The following ZNF800 variants were observed in gnomAD, a reference collection of about 807,000 sequenced individuals.
The protein encoded by ZNF800 is zinc finger protein 800.
A neutral mutation model predicts 59.5 loss-of-function variants in ZNF800; 13 were observed. The ratio of observed to expected loss-of-function variants is 0.22; its 90% CI spans 0.14 to 0.35. ZNF800 has a LOEUF of 0.35. ZNF800 is among the 10% of genes least tolerant of loss of function. The pLI, the probability that ZNF800 is intolerant of heterozygous loss-of-function variation, is 1.00. For synonymous variants in ZNF800, 266 were observed against 265.7 expected (o/e 1.00, Z -0.01); for missense variants, 621 against 783.7 (o/e 0.79, Z 2.48).
intron 1 of ZNF800, among the ~76,000 whole-genome samples, chr7:127,349,148 A>T (rs973113423): frequency 5.9e-5 from 9 of 152,218 alleles, no homozygotes; most frequent in Admixed American, 3.3e-4. Flanking sequence ...CTAAAAACAG[A>T]AAAATGTGGG....
At chr7:127,366,166 C>A (rs4731352), downstream of ZNF800, among the ~76,000 whole-genome samples, 95,169 of 151,904 alleles carry the variant, frequency 0.63, 30,232 homozygotes, top group East Asian at 0.86. Flanking sequence ...AAAATCCGTG[C>A]TTTAACCACT....
chr7:127,383,175 A>G (rs1301564938), intron 3 of ZNF800, among the ~76,000 whole-genome samples: 1 of 152,236 alleles, frequency 6.6e-6, no homozygotes, highest in African/African-American at 2.4e-5. Context: ...CAACTCCTTC[A>G]TAAGACAGAA....
intron 5 of ZNF800, chr7:127,372,674 T>C: frequency 1.0e-6 from 1 of 984,864 alleles, no homozygotes; most frequent in Non-Finnish European, 1.2e-6. Context: ...AGATCAAAAC[T>C]AAAAAACAGT....
Position 127,373,716 on chromosome 7 carries a change from C to T in ZNF800, c.1620G>A (p.Val540=), listed in dbSNP as rs567879157. The change falls in exon 5 of 6, where the codon GTG becomes GTA. Residue 540 remains valine, a synonymous_variant. Coordinates refer to ENST00000265827, the MANE Select transcript of ZNF800 (RefSeq NM_176814.5). ...RKRDVIRHIT[V]VHKKSSRYLG... ...GATAACGAGATGACTTTTTATGAAC[C>T]ACAGTTATATGTCGTATCACATCAC... 26 of 1,614,024 alleles carry T rather than the reference C, an allele frequency of 1.6e-5. No individual in the cohort carries two copies. The highest frequency in any genetic ancestry group is 6.7e-5 in the African/African-American group (5 of 74,990).
chr7:127,367,288 C>T (rs1163992109), downstream of ZNF800, among the ~76,000 whole-genome samples: 1 of 152,010 alleles, frequency 6.6e-6, no homozygotes, highest in African/African-American at 2.4e-5. Flanking sequence ...TAGAAGCTAC[C>T]AAGTAAAATT....
chr7:127,373,461 C>T lies in ZNF800; in HGVS notation c.1875G>A (p.Lys625=). Residue 625 remains lysine (K), a synonymous_variant, in exon 5 of 6, where the codon AAG becomes AAA. Coordinates refer to ENST00000265827, the MANE Select transcript of ZNF800 (RefSeq NM_176814.5). ...CAAGGTAAGTCTTTTTGGCAAATGC[C>T]TTTCCACATTTATTGCATCTGTGAA... ...FSLHRCNKCG[K]AFAKKTYLEH... is the part of the protein sequence containing the mutation. The T allele has an allele frequency of 6.2e-7, 1 of 1,614,024 alleles. No individual in the cohort carries two copies. The highest frequency in any genetic ancestry group is 2.2e-5 in the East Asian group (1 of 44,870).
At chr7:127,346,351 T>G (rs1264381837), downstream of ZNF800, among the ~76,000 whole-genome samples, 2 of 152,118 alleles carry the variant, frequency 1.3e-5, no homozygotes, top group African/African-American at 4.8e-5. Flanking sequence ...GGATTGGAAG[T>G]AAAAATGAAT....
In ZNF800 at chr7:127,374,086, T is replaced by C. The variant is rs766351981; in HGVS notation, c.1250A>G (p.Glu417Gly). ...ATGGGTAATGGAAGGGGGTGAAGAT[T>C]CTACAGAATCTGCTGGTTCAACTTT... ...KVKVEPADSV[E>G]SSPPSITHSP... is the part of the protein sequence containing the mutation. Residue 417 changes from glutamate to glycine, a missense_variant, in exon 5 of 6, where the codon GAA (glutamate) becomes GGA (glycine). Transcript: ENST00000265827. 3.1e-6 allele frequency: 5 copies of C among 1,614,154 alleles called. No homozygotes were observed.
At chr7:127,376,985 A>G (rs1051322963) in intron 4 of ZNF800, among the ~76,000 whole-genome samples, 5 of 152,032 alleles carry the variant, frequency 3.3e-5, no homozygotes, top group South Asian at 2.1e-4. Flanking sequence ...GAAAGCATTG[A>G]TATGAAAGTA....
chr7:127,384,879 CA>C (rs983645971), intron 3 of ZNF800, among the ~76,000 whole-genome samples: 1 of 152,024 alleles, frequency 6.6e-6, no homozygotes, highest in Non-Finnish European at 1.5e-5. Flanking sequence ...AATCAAACAA[CA>C]AAAAATCCCT....
At chr7:127,382,494 A>G (rs1195326776) in intron 3 of ZNF800, among the ~76,000 whole-genome samples, 1 of 152,204 alleles carries the variant, frequency 6.6e-6, no homozygotes, top group Non-Finnish European at 1.5e-5. Context: ...TGAAGACACC[A>G]TATTAGAAAC....
intron 2 of ZNF800, among the ~76,000 whole-genome samples, chr7:127,387,964 T>C (rs1801190375): frequency 1.3e-5 from 2 of 151,338 alleles, no homozygotes; most frequent in South Asian, 4.2e-4. Flanking sequence ...ATTTTGAGAA[T>C]ATCTGACATT....
rs1177006490 is a variant in ZNF800 at position 127,374,643 on chromosome 7, T to C, written c.693A>G (p.Ile231Met). 1.2e-6 allele frequency: 2 copies of C among 1,614,030 alleles called. No homozygotes were observed. The highest frequency in any genetic ancestry group is 1.7e-5 in the Admixed American group (1 of 60,008). Reference sequence around the variant, plus strand: ...TGAATTCTTTTCTACAAAGACAACATATCAACTGGTGACCAAAATCAGAAT... The same window carrying C: ...TGAATTCTTTTCTACAAAGACAACACATCAACTGGTGACCAAAATCAGAAT... ...SDNSDFGHQLICCLCRKEFNS... is the reference protein window; with the variant it reads ...SDNSDFGHQLMCCLCRKEFNS... The change falls in exon 5 of 6, where the codon ATA (isoleucine) becomes ATG (methionine). Residue 231 changes from isoleucine (I) to methionine (M), a missense_variant. Transcript: ENST00000265827.
At position 127,391,490 on chromosome 7, in the gene ZNF800, G is replaced by GGTCT; in HGVS notation, c.61+3_61+6dup. On this transcript the variant is annotated splice_region_variant and intron_variant, in intron 2 of 5. Transcript: ENST00000265827. ...GGCAAAGCAACTGCGGACGAAGAGGGGTCTACCTGGTTCACAGCATCCGTG... is the reference window on the plus strand; with the variant it reads ...GGCAAAGCAACTGCGGACGAAGAGGGGTCTGTCTACCTGGTTCACAGCATCCGTG... 6.2e-7 allele frequency: 1 copy of GGTCT among 1,613,974 alleles called. No homozygotes were observed. The highest frequency in any genetic ancestry group is 8.5e-7 in the Non-Finnish European group (1 of 1,179,932).
chr7:127,367,424 T>G (rs1362151615), downstream of ZNF800, among the ~76,000 whole-genome samples: 1 of 152,164 alleles, frequency 6.6e-6, no homozygotes, highest in Non-Finnish European at 1.5e-5. Context: ...AGTAAATCAC[T>G]GAACTTCTCT....
intron 3 of ZNF800, among the ~76,000 whole-genome samples, chr7:127,383,408 A>G (rs1394661538): frequency 6.6e-6 from 1 of 152,254 alleles, no homozygotes; most frequent in South Asian, 2.1e-4. Flanking sequence ...CTATCTTCAA[A>G]TATCTGTCAA....
downstream of ZNF800, among the ~76,000 whole-genome samples, chr7:127,343,080 C>G (rs1799995906): frequency 6.6e-6 from 1 of 151,874 alleles, no homozygotes; most frequent in Admixed American, 6.6e-5. Flanking sequence ...GAGATGCAGT[C>G]AAAGCTGTGC....
At chr7:127,346,171 T>C (rs1800060585), downstream of ZNF800, among the ~76,000 whole-genome samples, 1 of 152,134 alleles carries the variant, frequency 6.6e-6, no homozygotes, top group South Asian at 2.1e-4. Context: ...GGTGACAAGA[T>C]GAGAAAGTCT....
At chr7:127,360,101 A>G (rs1348714492) in intron 1 of ZNF800, 1 of 152,036 alleles carries the variant, frequency 6.6e-6, no homozygotes, top group Admixed American at 6.6e-5. Context: ...CCACATGATC[A>G]TATATATGTT....
Sources: gnomAD v4.1 joint callset for allele counts (sites outside exome capture counted in the v4.1 genomes callset) on GRCh38, gnomAD v4.1.1 for gene constraint, MANE v1.5 for transcripts, NCBI Gene and HGNC (gene_info 2026-07-23, HGNC 2026-07-21) for gene names.